The following CSMD1 variants were observed in gnomAD, a reference collection of about 807,000 sequenced individuals.
The protein encoded by CSMD1 is CUB and Sushi multiple domains 1, also known as CUB and sushi domain-containing protein 1.
A neutral mutation model predicts 417.5 loss-of-function variants in CSMD1; 213 were observed. The observed-to-expected ratio is 0.51, with a 90% confidence interval of 0.46 to 0.57. The LOEUF (loss-of-function observed/expected upper bound fraction) is 0.57, where lower values mean the gene tolerates loss of function less well. Ranked by LOEUF, CSMD1 falls within the 20% of genes least tolerant of loss-of-function variation. The pLI, the probability that CSMD1 is intolerant of heterozygous loss-of-function variation, is 0.00. For synonymous variants in CSMD1, 2,862 were observed against 1,736.8 expected (o/e 1.65, Z -16.11); for missense variants, 6,923 against 4,529.7 (o/e 1.53, Z -15.17).
chr8:3,813,461 G>A (rs1385775883), intron 5 of CSMD1, among the ~76,000 whole-genome samples: 2 of 152,126 alleles, frequency 1.3e-5, no homozygotes, highest in Non-Finnish European at 2.9e-5. Context: ...ATGGTATTTA[G>A]TAATGTCGTA....
chr8:4,315,345 T>C (rs1186754008), intron 3 of CSMD1, among the ~76,000 whole-genome samples: 1 of 152,162 alleles, frequency 6.6e-6, no homozygotes, highest in Non-Finnish European at 1.5e-5. Context: ...TGCTGCACTG[T>C]GAGCCCCAGG....
At chr8:3,315,346 T>A (rs1254466659) in intron 23 of CSMD1, among the ~76,000 whole-genome samples, 12 of 151,584 alleles carry the variant, frequency 7.9e-5, no homozygotes, top group Admixed American at 7.9e-4. Flanking sequence ...ATGAATTTCC[T>A]GAAATGTGTG....
chr8:3,988,315 G>T (rs551338781), intron 5 of CSMD1, among the ~76,000 whole-genome samples: 2 of 152,298 alleles, frequency 1.3e-5, no homozygotes, highest in African/African-American at 4.8e-5. Context: ...AGAGACAAAA[G>T]AGCTTGCATC....
chr8:3,613,872 G>A (rs1205769800), intron 8 of CSMD1, among the ~76,000 whole-genome samples: 1 of 151,932 alleles, frequency 6.6e-6, no homozygotes, highest in Non-Finnish European at 1.5e-5. Flanking sequence ...AGGCAGAGAT[G>A]TCTCACCATT....
chr8:3,553,945 G>C (rs553650904), intron 10 of CSMD1, among the ~76,000 whole-genome samples: 1 of 152,166 alleles, frequency 6.6e-6, no homozygotes, highest in Non-Finnish European at 1.5e-5. Context: ...GGGCAAAACA[G>C]AATGTAATTT....
intron 1 of CSMD1, among the ~76,000 whole-genome samples, chr8:4,727,264 T>C (rs1809521296): frequency 6.6e-6 from 1 of 152,164 alleles, no homozygotes. Flanking sequence ...ATTAAACCAG[T>C]TAATGTCTAC....
chr8:4,515,753 G>C (rs1230689545), intron 2 of CSMD1, among the ~76,000 whole-genome samples: 2 of 152,134 alleles, frequency 1.3e-5, no homozygotes, highest in African/African-American at 2.4e-5. Context: ...GTCTGGACGT[G>C]CTCTGCAACT....
chr8:4,550,331 A>ACG (rs1318633265), intron 2 of CSMD1, among the ~76,000 whole-genome samples: 245 of 76,296 alleles, frequency 3.2e-3, no homozygotes, highest in African/African-American at 0.013. Flanking sequence ...ACACACACGC[A>ACG]CACACACACA....
intron 39 of CSMD1, among the ~76,000 whole-genome samples, chr8:3,152,298 A>T (rs1186441575): frequency 6.6e-6 from 1 of 152,254 alleles, no homozygotes; most frequent in Non-Finnish European, 1.5e-5. Flanking sequence ...GTGATACAAG[A>T]CGAAGCATTT....
chr8:3,758,176 C>G (rs746074902), intron 5 of CSMD1, among the ~76,000 whole-genome samples: 1 of 152,100 alleles, frequency 6.6e-6, no homozygotes, highest in Non-Finnish European at 1.5e-5. Flanking sequence ...TTTGGCCAGG[C>G]TGGTCTCAAA....
At chr8:3,184,779 G>C (rs1399901612) in intron 36 of CSMD1, among the ~76,000 whole-genome samples, 4 of 152,136 alleles carry the variant, frequency 2.6e-5, no homozygotes, top group African/African-American at 9.7e-5. Flanking sequence ...ATAGCCAATA[G>C]TCTCAGACTT....
At chr8:3,364,106 G>A (rs1250890290) in intron 20 of CSMD1, among the ~76,000 whole-genome samples, 1 of 152,058 alleles carries the variant, frequency 6.6e-6, no homozygotes, top group Non-Finnish European at 1.5e-5. Flanking sequence ...CAAAGTCTCT[G>A]GATGGGTAAA....
chr8:4,673,988 A>G (rs889064111), intron 1 of CSMD1, among the ~76,000 whole-genome samples: 1 of 152,162 alleles, frequency 6.6e-6, no homozygotes, highest in African/African-American at 2.4e-5. Context: ...AAACCATCGA[A>G]TTGTGCACTA....
chr8:3,439,105 A>G (rs1184548305), intron 12 of CSMD1, among the ~76,000 whole-genome samples: 1 of 123,042 alleles, frequency 8.1e-6, no homozygotes, highest in African/African-American at 3.1e-5. Context: ...CCTGGGTGAC[A>G]GAGCAAGACT....
chr8:3,725,426 G>C (rs1252697793), intron 6 of CSMD1, among the ~76,000 whole-genome samples: 1 of 152,218 alleles, frequency 6.6e-6, no homozygotes, highest in Non-Finnish European at 1.5e-5. Context: ...AGGAAGCAGA[G>C]ATTTGGGACC....
chr8:4,855,760 T>C (rs1801764140), intron 1 of CSMD1, among the ~76,000 whole-genome samples: 3 of 151,626 alleles, frequency 2.0e-5, no homozygotes, highest in South Asian at 2.1e-4. Flanking sequence ...AATAAGGGAC[T>C]ATGTGAAAAG....
At chr8:4,028,593 C>CT (rs1441402939) in intron 4 of CSMD1, among the ~76,000 whole-genome samples, 2 of 152,142 alleles carry the variant, frequency 1.3e-5, no homozygotes, top group African/African-American at 4.8e-5. Context: ...TACATGATGA[C>CT]TTGCAGTGGA....
intron 3 of CSMD1, among the ~76,000 whole-genome samples, chr8:4,371,959 A>G (rs1336683757): frequency 6.6e-6 from 1 of 152,202 alleles, no homozygotes; most frequent in East Asian, 1.9e-4. Context: ...CCGCTAATAT[A>G]AACTCATTGC....
chr8:3,162,666 C>A (rs1482280633), intron 37 of CSMD1, among the ~76,000 whole-genome samples: 1 of 150,536 alleles, frequency 6.6e-6, no homozygotes, highest in African/African-American at 2.4e-5. Context: ...GCATACTTAG[C>A]AGTCTTTATA....
Sources: allele counts gnomAD v4.1 joint callset (sites outside exome capture counted in the v4.1 genomes callset), GRCh38; gene constraint gnomAD v4.1.1; transcripts MANE v1.5; gene names NCBI Gene and HGNC (gene_info 2026-07-23, HGNC 2026-07-21).